The following C8orf34 variants were observed in gnomAD, a reference collection of about 807,000 sequenced individuals.
The protein encoded by C8orf34 is uncharacterized protein C8orf34.
Under a neutral mutation model 68.3 loss-of-function variants are expected in C8orf34, and 65 were observed. The observed-to-expected ratio is 0.95, with a 90% CI of 0.78 to 1.17. The LOEUF is 1.17. Ranked by LOEUF, C8orf34 falls within the 50% of genes most tolerant of loss-of-function variation. The pLI, the probability that C8orf34 is intolerant of heterozygous loss-of-function variation, is 0.00. For synonymous variants in C8orf34, 244 were observed against 241.2 expected (o/e 1.01, Z -0.11); for missense variants, 664 against 655.4 (o/e 1.01, Z -0.14).
In C8orf34 at chr8:68,597,433, T is replaced by G. The variant is rs73683572; in HGVS notation, c.1106-42943T>G. ...CTTAACAAAGGACCTCATCTGTGTT[T>G]TTTTAGAAAAGTGTTTAAATTAGAA... is the stretch of plus-strand genomic sequence containing the variant. On this transcript the variant is annotated intron_variant, in intron 7 of 13. Coordinates refer to ENST00000518698, the MANE Select transcript of C8orf34 (RefSeq NM_052958.4). Among the ~76,000 whole-genome samples the G allele has an allele frequency of 5.7e-3, 863 of 152,296 alleles. 9 individuals are homozygous for G. The highest frequency in any genetic ancestry group is 0.024 in the Middle Eastern group (7 of 294).
At chr8:68,812,338 G>C (rs983762856) in intron 12 of C8orf34, among the ~76,000 whole-genome samples, 1 of 152,128 alleles carries the variant, frequency 6.6e-6, no homozygotes, top group Non-Finnish European at 1.5e-5. Context: ...ACTGTTCAAA[G>C]CATGCTGCCA....
At chr8:68,471,573 T>C (rs1286359199) in intron 4 of C8orf34, among the ~76,000 whole-genome samples, 2 of 152,132 alleles carry the variant, frequency 1.3e-5, no homozygotes, top group Admixed American at 1.3e-4. Flanking sequence ...GCTTGTTAAC[T>C]CTTTTTCTAT....
chr8:68,613,163 A>G (rs1818073966), intron 7 of C8orf34, among the ~76,000 whole-genome samples: 1 of 152,198 alleles, frequency 6.6e-6, no homozygotes, highest in African/African-American at 2.4e-5. Flanking sequence ...GGAAAGTGGA[A>G]ATAACATACA....
At chr8:68,419,036 GA>G (rs1438458667) in intron 1 of C8orf34, among the ~76,000 whole-genome samples, 1 of 150,478 alleles carries the variant, frequency 6.6e-6, no homozygotes, top group African/African-American at 2.4e-5. Context: ...CCATCAGAGT[GA>G]ACAGGCAACC....
intron 4 of C8orf34, among the ~76,000 whole-genome samples, chr8:68,483,674 T>C (rs1812955062): frequency 6.6e-6 from 1 of 151,986 alleles, no homozygotes. Context: ...AAAGATGGAG[T>C]TGCTTTAGCC....
intron 1 of C8orf34, among the ~76,000 whole-genome samples, chr8:68,353,715 T>C (rs776233356): frequency 1.3e-5 from 2 of 150,162 alleles, no homozygotes; most frequent in African/African-American, 4.9e-5. Flanking sequence ...GGAATGAAAA[T>C]ATTGCAAAAA....
intron 1 of C8orf34, among the ~76,000 whole-genome samples, chr8:68,341,917 G>C (rs1585946419): frequency 6.6e-6 from 1 of 152,182 alleles, no homozygotes; most frequent in African/African-American, 2.4e-5. Context: ...GTTGAGGGTG[G>C]AGTGTGTGAG....
chr8:68,669,015 C>T (rs1819927582), intron 8 of C8orf34, among the ~76,000 whole-genome samples: 1 of 152,094 alleles, frequency 6.6e-6, no homozygotes, highest in African/African-American at 2.4e-5. Flanking sequence ...AGAACCTAGC[C>T]AAGTTCACCA....
chr8:68,428,304 G>T (rs891771818), intron 1 of C8orf34, among the ~76,000 whole-genome samples: 1 of 152,000 alleles, frequency 6.6e-6, no homozygotes, highest in African/African-American at 2.4e-5. Context: ...TGGCAAATAC[G>T]TGGGTACATC....
intron 10 of C8orf34, among the ~76,000 whole-genome samples, chr8:68,751,168 C>A (rs558250958): frequency 1.3e-5 from 2 of 152,230 alleles, no homozygotes; most frequent in African/African-American, 4.8e-5. Flanking sequence ...GTGTTTAACG[C>A]TAGTGGACCC....
chr8:68,579,673 C>T (rs1817004342), intron 7 of C8orf34, among the ~76,000 whole-genome samples: 2 of 152,190 alleles, frequency 1.3e-5, no homozygotes, highest in South Asian at 4.1e-4. Context: ...GCTAAATCTG[C>T]ACACTTTCAT....
intron 10 of C8orf34, among the ~76,000 whole-genome samples, chr8:68,751,622 T>A (rs913593513): frequency 1.3e-5 from 2 of 152,248 alleles, no homozygotes; most frequent in East Asian, 3.9e-4. Flanking sequence ...CAGCCTCTTA[T>A]GCTGTGGGTT....
intron 5 of C8orf34, among the ~76,000 whole-genome samples, chr8:68,506,453 C>G (rs901884432): frequency 3.9e-5 from 6 of 152,338 alleles, no homozygotes; most frequent in African/African-American, 1.4e-4. Context: ...GCTGCCCCAG[C>G]CTCCTGAGTA....
rs1006142494 is a variant in C8orf34 at position 68,644,165 on chromosome 8, A to G, written c.1241+3654A>G. On this transcript the variant is annotated intron_variant, in intron 8 of 13. Transcript: ENST00000518698. Reference sequence around the variant, plus strand: ...ACAAATTAATTATGAACTAAGTGGCATCACAGGAAAGAAAAGTAAATACTC... The same window carrying G: ...ACAAATTAATTATGAACTAAGTGGCGTCACAGGAAAGAAAAGTAAATACTC... Among the ~76,000 whole-genome samples, 6 of 152,224 alleles carry G rather than the reference A, an allele frequency of 3.9e-5. No individual in the cohort carries two copies. The East Asian group carries it at 5.8e-4, about 15-fold the overall frequency.
At chr8:68,744,956 A>C (rs1386149712) in intron 10 of C8orf34, among the ~76,000 whole-genome samples, 1 of 152,290 alleles carries the variant, frequency 6.6e-6, no homozygotes, top group East Asian at 1.9e-4. Context: ...GTTGAAATGA[A>C]GGAAAAAATG....
intron 8 of C8orf34, among the ~76,000 whole-genome samples, chr8:68,642,400 T>C (rs1212803027): frequency 2.0e-5 from 3 of 152,198 alleles, no homozygotes; most frequent in Non-Finnish European, 4.4e-5. Context: ...ATAGCTAGAA[T>C]TTAAAGAAAA....
At chr8:68,432,008 A>G (rs1810471554) in intron 1 of C8orf34, among the ~76,000 whole-genome samples, 1 of 152,118 alleles carries the variant, frequency 6.6e-6, no homozygotes, top group African/African-American at 2.4e-5. Flanking sequence ...ACATTAAATC[A>G]TGTTTAAGAA....
At chr8:68,760,447 T>A (rs1330860467) in intron 10 of C8orf34, among the ~76,000 whole-genome samples, 1 of 152,196 alleles carries the variant, frequency 6.6e-6, no homozygotes, top group Non-Finnish European at 1.5e-5. Context: ...CAATCTCATG[T>A]CCAAATCCAA....
At chr8:68,577,065 T>A (rs1480591116) in intron 7 of C8orf34, among the ~76,000 whole-genome samples, 1 of 152,038 alleles carries the variant, frequency 6.6e-6, no homozygotes, top group Non-Finnish European at 1.5e-5. Context: ...GTGTGCTTTT[T>A]TCGATCAGCA....
Sources: allele counts gnomAD v4.1 joint callset (sites outside exome capture counted in the v4.1 genomes callset), GRCh38; gene constraint gnomAD v4.1.1; transcripts MANE v1.5; gene names NCBI Gene and HGNC (gene_info 2026-07-23, HGNC 2026-07-21).